MAGI1: variants seen among roughly 807,000 people sequenced by gnomAD.
MAGI1 encodes the protein membrane associated guanylate kinase, WW and PDZ domain containing 1.
MAGI1 carries 58 observed loss-of-function variants against 139.9 expected under a neutral mutation model. The observed-to-expected ratio is 0.41, with a 90% CI of 0.34 to 0.52. The LOEUF is 0.52. Among genes scored for constraint, MAGI1 ranks in the 20% least tolerant of loss-of-function variants. MAGI1 has a pLI of 0.12. For synonymous variants in MAGI1, 812 were observed against 737.9 expected (o/e 1.10, Z -1.63); for missense variants, 1,874 against 1,901.6 (o/e 0.99, Z 0.27).
chr3:65,425,039 C>T (rs1184553094), intron 12 of MAGI1, among the ~76,000 whole-genome samples: 3 of 146,466 alleles, frequency 2.0e-5, no homozygotes, highest in Non-Finnish European at 4.5e-5. Flanking sequence ...TCATGCACTC[C>T]AGCCTGGGCA....
At chr3:65,787,255 T>G (rs1368638462) in intron 1 of MAGI1, among the ~76,000 whole-genome samples, 1 of 152,094 alleles carries the variant, frequency 6.6e-6, no homozygotes, top group Non-Finnish European at 1.5e-5. Context: ...GATGAGCTTT[T>G]ACAGACACAG....
chr3:65,627,485 C>CTTTTTTTTTTTTTTTTTTTT lies in MAGI1; in HGVS notation c.314-5417_314-5398dup, dbSNP rs779588733. Among the ~76,000 whole-genome samples, 14 of 28,352 alleles carry CTTTTTTTTTTTTTTTTTTTT rather than the reference C, an allele frequency of 4.9e-4. 2 individuals are homozygous for CTTTTTTTTTTTTTTTTTTTT. The highest frequency in any genetic ancestry group is 7.0e-4 in the Non-Finnish European group (10 of 14,350). The allele number at this position is 28,352 out of a possible 152,430, so 18.6% of individuals were successfully genotyped here. ...TTGCCGTTATTTTATATTTCTGTATCTTTTTTTTTTTTTTTTTTTTTTTTT... is the reference window on the plus strand; with the variant it reads ...TTGCCGTTATTTTATATTTCTGTATCTTTTTTTTTTTTTTTTTTTTTTTTTTTTTTTTTTTTTTTTTTTTT... On this transcript the variant is annotated intron_variant, in intron 1 of 22. Transcript: ENST00000402939.
At chr3:65,566,259 A>G (rs1233288832) in intron 2 of MAGI1, among the ~76,000 whole-genome samples, 3 of 152,082 alleles carry the variant, frequency 2.0e-5, no homozygotes, top group Non-Finnish European at 2.9e-5. Context: ...GTCTCAAAAA[A>G]AAATAAAAAA....
chr3:65,932,364 G>GA (rs571015201), intron 1 of MAGI1, among the ~76,000 whole-genome samples: 88 of 152,062 alleles, frequency 5.8e-4, no homozygotes, highest in Non-Finnish European at 1.2e-3. Flanking sequence ...TCAGTTTCAC[G>GA]AAACAAAAAT....
chr3:65,393,827 T>C (rs1287423330), intron 13 of MAGI1, among the ~76,000 whole-genome samples: 1 of 152,224 alleles, frequency 6.6e-6, no homozygotes, highest in Non-Finnish European at 1.5e-5. Context: ...GGAAACAGCC[T>C]TGTGCTGCTG....
intron 4 of MAGI1, among the ~76,000 whole-genome samples, chr3:65,474,402 G>C (rs1950736572): frequency 6.6e-6 from 1 of 152,184 alleles, no homozygotes; most frequent in East Asian, 1.9e-4. Context: ...TGGGGAGACA[G>C]GGAACCTGGT....
intron 1 of MAGI1, among the ~76,000 whole-genome samples, chr3:65,931,395 G>A (rs186366613): frequency 5.3e-4 from 80 of 152,282 alleles, no homozygotes; most frequent in Non-Finnish European, 8.5e-4. Flanking sequence ...TCTTATGTGA[G>A]ATCCAAGAAC....
At chr3:65,842,562 T>C (rs4688250) in intron 1 of MAGI1, among the ~76,000 whole-genome samples, 71,409 of 151,868 alleles carry the variant, frequency 0.47, 18,281 homozygotes, top group East Asian at 0.77. Flanking sequence ...GGTTTCTCCA[T>C]GTTGGTCAGG....
At chr3:65,488,645 C>A (rs1951784835) in intron 3 of MAGI1, among the ~76,000 whole-genome samples, 1 of 151,510 alleles carries the variant, frequency 6.6e-6, no homozygotes, top group South Asian at 2.1e-4. Context: ...CCGGCCTACT[C>A]ATCACTTTTC....
At chr3:65,423,426 C>T (rs1399568732) in intron 12 of MAGI1, among the ~76,000 whole-genome samples, 1 of 152,152 alleles carries the variant, frequency 6.6e-6, no homozygotes, top group African/African-American at 2.4e-5. Context: ...TAATGATGCA[C>T]TTAGCTAACG....
intron 1 of MAGI1, among the ~76,000 whole-genome samples, chr3:65,920,521 G>T (rs2062125531): frequency 6.6e-6 from 1 of 152,052 alleles, no homozygotes; most frequent in African/African-American, 2.4e-5. Flanking sequence ...ATCACCTCAA[G>T]GCATTCCATA....
chr3:65,753,853 TAA>T (rs2036356676), intron 1 of MAGI1, among the ~76,000 whole-genome samples: 1 of 151,930 alleles, frequency 6.6e-6, no homozygotes, highest in Non-Finnish European at 1.5e-5. Flanking sequence ...GAAAGAAAAG[TAA>T]AGTTGAAATT....
intron 1 of MAGI1, among the ~76,000 whole-genome samples, chr3:65,913,723 G>A (rs1318909474): frequency 6.6e-6 from 1 of 152,214 alleles, no homozygotes; most frequent in Admixed American, 6.5e-5. Context: ...CTTCAGGCAG[G>A]TGTTCCACAG....
chr3:65,974,298 G>A (rs2065149277), intron 1 of MAGI1, among the ~76,000 whole-genome samples: 1 of 149,050 alleles, frequency 6.7e-6, no homozygotes, highest in Non-Finnish European at 1.5e-5. Flanking sequence ...GAGCAAATGG[G>A]AGAGTGGGAG....
intron 1 of MAGI1, among the ~76,000 whole-genome samples, chr3:65,746,495 T>C (rs754183990): frequency 1.6e-4 from 24 of 152,220 alleles, no homozygotes; most frequent in South Asian, 2.1e-4. Context: ...AACTATATCA[T>C]TGACAGTATA....
intron 1 of MAGI1, among the ~76,000 whole-genome samples, chr3:65,900,412 A>T (rs1179776911): frequency 1.3e-5 from 2 of 152,038 alleles, no homozygotes; most frequent in Non-Finnish European, 2.9e-5. Context: ...GCAAAAATTA[A>T]AAGAGTCATG....
chr3:65,603,929 C>T (rs956036995), intron 2 of MAGI1, among the ~76,000 whole-genome samples: 4 of 152,150 alleles, frequency 2.6e-5, no homozygotes, highest in East Asian at 1.9e-4. Context: ...GGATCCTATT[C>T]CCATCCATGA....
At chr3:65,811,261 A>G (rs1392240164) in intron 1 of MAGI1, among the ~76,000 whole-genome samples, 1 of 152,220 alleles carries the variant, frequency 6.6e-6, no homozygotes, top group Non-Finnish European at 1.5e-5. Context: ...GCCTCTACTG[A>G]CATGAACAAA....
chr3:65,682,646 A>G (rs1483841276), intron 1 of MAGI1, among the ~76,000 whole-genome samples: 1 of 152,204 alleles, frequency 6.6e-6, no homozygotes, highest in Non-Finnish European at 1.5e-5. Flanking sequence ...ACTTTTAAGA[A>G]GAAACTTAAG....
Sources: allele counts gnomAD v4.1 joint callset (sites outside exome capture counted in the v4.1 genomes callset), GRCh38; gene constraint gnomAD v4.1.1; transcripts MANE v1.5; gene names NCBI Gene and HGNC (gene_info 2026-07-23, HGNC 2026-07-21).